Variants in HERC1 observed in about 807,000 individuals in gnomAD.
HERC1 encodes the protein probable E3 ubiquitin-protein ligase HERC1.
HERC1 carries 160 observed loss-of-function variants against 554.3 expected under a neutral mutation model. The ratio of observed to expected loss-of-function variants is 0.29; its 90% CI spans 0.25 to 0.33. The LOEUF is 0.33. HERC1 is among the 10% of genes least tolerant of loss of function. HERC1 has a pLI of 1.00. For synonymous variants in HERC1, 2,175 were observed against 2,131.7 expected (o/e 1.02, Z -0.56); for missense variants, 4,919 against 5,918.5 (o/e 0.83, Z 5.54).
intron 34 of HERC1, among the ~76,000 whole-genome samples, chr15:63,685,166 C>T (rs1248434978): frequency 6.6e-6 from 1 of 152,224 alleles, no homozygotes; most frequent in African/African-American, 2.4e-5. Flanking sequence ...CAAAACACCT[C>T]GAGATGTCAT....
chr15:63,802,046 G>GA (rs2077006471), intron 1 of HERC1, among the ~76,000 whole-genome samples: 1 of 152,176 alleles, frequency 6.6e-6, no homozygotes, highest in African/African-American at 2.4e-5. Context: ...AATCATAAGA[G>GA]AAAGTGTCAA....
intron 64 of HERC1, among the ~76,000 whole-genome samples, chr15:63,636,459 C>A (rs2068783865): frequency 1.3e-5 from 2 of 151,882 alleles, no homozygotes; most frequent in South Asian, 4.2e-4. Context: ...TTAACAGAGA[C>A]AGGGTTTTAC....
rs1450577039 is a variant in HERC1 at position 63,754,485 on chromosome 15, A to G, written c.1774+20T>C. 2 of 1,549,902 alleles carry G rather than the reference A, an allele frequency of 1.3e-6. No homozygotes were observed. The highest frequency in any genetic ancestry group is 1.7e-6 in the Non-Finnish European group (2 of 1,149,954). On this transcript the variant is annotated intron_variant, in intron 7 of 77. Coordinates refer to ENST00000443617, the MANE Select transcript of HERC1 (RefSeq NM_003922.4). The stretch of plus-strand genomic sequence containing the variant: ...CTCAAGAAAAAAGCCAAAGCTACTG[A>G]TAAATAATTTTTTACATACCATTGT...
Position 63,747,771 on chromosome 15 carries a change from A to G in HERC1, c.2307T>C (p.Cys769=). The part of the protein sequence containing the change: ...SHLRSFLERY[C]DKINSEIPPL... Reference sequence around the variant, plus strand: ...GGGGAATCTCACTGTTTATTTTATCACAGTATCTCTCAAGAAAAGAACGCA... The same window carrying G: ...GGGGAATCTCACTGTTTATTTTATCGCAGTATCTCTCAAGAAAAGAACGCA... The change falls in exon 11 of 78, where the codon TGT becomes TGC. Residue 769 remains cysteine (C), a synonymous_variant. Coordinates refer to ENST00000443617, the MANE Select transcript of HERC1 (RefSeq NM_003922.4). 2 of 1,550,964 alleles carry G rather than the reference A, an allele frequency of 1.3e-6. No individual in the cohort carries two copies. The highest frequency in any genetic ancestry group is 1.7e-6 in the Non-Finnish European group (2 of 1,146,344).
chr15:63,651,213 A>C, intron 53 of HERC1, 40 bp downstream of exon 53: 1 of 1,598,378 alleles, frequency 6.3e-7, no homozygotes, highest in African/African-American at 1.3e-5. Flanking sequence ...GCTTTAAAAA[A>C]CTACTTTCAG....
chr15:63,668,053 T>C (rs535769330), intron 40 of HERC1, among the ~76,000 whole-genome samples: 14 of 152,280 alleles, frequency 9.2e-5, no homozygotes, highest in Non-Finnish European at 1.9e-4. Context: ...GTCAACTGTA[T>C]AGCTAATAAG....
rs1370825453 is a variant in HERC1, at chr15:63,612,494, T to C, written c.14157A>G (p.Thr4719=). The change falls in exon 77 of 78, where the codon ACA becomes ACG. Residue 4719 remains threonine, a synonymous_variant. Coordinates refer to ENST00000443617, the MANE Select transcript of HERC1 (RefSeq NM_003922.4). The surrounding 1 kb of genome is among the most constrained non-coding windows in gnomAD (Gnocchi z 5.0). ...ACACCATCTGCTCCAGTTGTTTTGC[T>C]GTGAGGAGGGACAGCAGCGGCACAG... The part of the protein sequence containing the change: ...IVPVPLLSLL[T]AKQLEQMVCG... The C allele has an allele frequency of 7.4e-6, 12 of 1,614,046 alleles. No homozygotes were observed. The highest frequency in any genetic ancestry group is 9.3e-6 in the Non-Finnish European group (11 of 1,179,892).
chr15:63,654,089 AT>A, intron 51 of HERC1, 29 bp downstream of exon 51: 1 of 1,544,234 alleles, frequency 6.5e-7, no homozygotes, highest in Non-Finnish European at 8.9e-7. Flanking sequence ...ACATAACGTG[AT>A]TAACACACTT....
At position 63,751,172 on chromosome 15, in the gene HERC1, C is replaced by A. The variant is rs59781628; in HGVS notation, c.1903-1381G>T. 1.9e-3 allele frequency among the ~76,000 whole-genome samples: 294 copies of A among 152,270 alleles called. 1 individual carries two copies. The highest frequency in any genetic ancestry group is 6.8e-3 in the African/African-American group (283 of 41,550). On this transcript the variant is annotated intron_variant, in intron 8 of 77. Transcript: ENST00000443617. ...GTCAATAGCAGACCACATTATACAACAGTGGTCCCTTAAGATCTAACGGAG... is the reference window on the plus strand; with the variant it reads ...GTCAATAGCAGACCACATTATACAAAAGTGGTCCCTTAAGATCTAACGGAG...
intron 8 of HERC1, among the ~76,000 whole-genome samples, chr15:63,751,586 T>C (rs1433272200): frequency 5.3e-5 from 8 of 152,118 alleles, no homozygotes; most frequent in Admixed American, 3.9e-4. Flanking sequence ...CTATATAGTA[T>C]GGTGGGAAGT....
At chr15:63,648,885 A>G (rs531932014) in intron 54 of HERC1, among the ~76,000 whole-genome samples, 60 of 152,334 alleles carry the variant, frequency 3.9e-4, no homozygotes, top group African/African-American at 1.4e-3. Flanking sequence ...AGCAGGCACT[A>G]TGACTTTGAA....
At chr15:63,731,453 T>C (rs1359388711) in intron 14 of HERC1, among the ~76,000 whole-genome samples, 1 of 152,218 alleles carries the variant, frequency 6.6e-6, no homozygotes, top group Non-Finnish European at 1.5e-5. Flanking sequence ...GCCCTAATAT[T>C]CCTTTCAACT....
At chr15:63,814,905 T>G (rs79790777) in intron 1 of HERC1, among the ~76,000 whole-genome samples, 3 of 152,226 alleles carry the variant, frequency 2.0e-5, no homozygotes, top group Non-Finnish European at 4.4e-5. Context: ...TTTAATGCAA[T>G]GTACTAATGT....
chr15:63,651,312 A>G lies in HERC1; in HGVS notation c.10487T>C (p.Ile3496Thr). ...AGCGCCTGCTAGATATTTGCCACTGATACTCCAGGAAACTGGTGAGAAACT... is the reference window on the plus strand; with the variant it reads ...AGCGCCTGCTAGATATTTGCCACTGGTACTCCAGGAAACTGGTGAGAAACT... ...DPSFSPVSWS[I>T]SGKYLAGALE... Residue 3496 changes from isoleucine to threonine, a missense_variant, in exon 53 of 78, where the codon ATC (isoleucine) becomes ACC (threonine). Physicochemically the swap from Ile to Thr is moderately conservative, Grantham distance 89. This residue lies in a region of HERC1 where 1,963 missense variants were observed against 2,228.6 expected (regional missense o/e 0.88). Coordinates refer to ENST00000443617, the MANE Select transcript of HERC1 (RefSeq NM_003922.4). The G allele has an allele frequency of 6.2e-7, 1 of 1,613,834 alleles. No homozygotes were observed.
chr15:63,654,551 C>A (rs1324214044), intron 50 of HERC1, among the ~76,000 whole-genome samples: 3 of 152,102 alleles, frequency 2.0e-5, no homozygotes, highest in Non-Finnish European at 4.4e-5. Flanking sequence ...AAATCTGATT[C>A]ATTAAAAATA....
intron 1 of HERC1, among the ~76,000 whole-genome samples, chr15:63,789,256 A>C (rs1318072776): frequency 6.7e-6 from 1 of 148,766 alleles, no homozygotes; most frequent in Non-Finnish European, 1.5e-5. Context: ...ACGCCCGGCT[A>C]ATTTTTTGTA....
intron 7 of HERC1, among the ~76,000 whole-genome samples, chr15:63,753,982 T>A (rs1045284269): frequency 3.3e-5 from 5 of 152,098 alleles, no homozygotes; most frequent in African/African-American, 9.7e-5. Flanking sequence ...GAGGCCAGCC[T>A]GGGCAATAAA....
chr15:63,746,710 G>A (rs990505280), intron 12 of HERC1, among the ~76,000 whole-genome samples: 1 of 152,188 alleles, frequency 6.6e-6, no homozygotes, highest in East Asian at 1.9e-4. Context: ...AATCTGGTGG[G>A]AGAGCAGGAA....
intron 2 of HERC1, among the ~76,000 whole-genome samples, chr15:63,771,982 C>T (rs905714396): frequency 6.6e-6 from 1 of 151,904 alleles, no homozygotes; most frequent in African/African-American, 2.4e-5. Flanking sequence ...ATTAGCTGGG[C>T]ATGGTGGCAG....
Sources: gnomAD v4.1 joint callset for allele counts (sites outside exome capture counted in the v4.1 genomes callset) on GRCh38, gnomAD v4.1.1 for gene constraint, gnomAD v4.1.1 regional missense constraint, Gnocchi (gnomAD v3.1) non-coding constraint, MANE v1.5 for transcripts, NCBI Gene and HGNC (gene_info 2026-07-23, HGNC 2026-07-21) for gene names.